CLYBL: variants seen among roughly 807,000 people sequenced by gnomAD.
The protein encoded by CLYBL is citramalyl-CoA lyase.
CLYBL carries 31 observed loss-of-function variants against 38.9 expected under a neutral mutation model. The ratio of observed to expected loss-of-function variants is 0.80; its 90% CI spans 0.60 to 1.08. CLYBL has a LOEUF of 1.08. CLYBL is among the 50% of genes least tolerant of loss of function. The probability of loss-of-function intolerance (pLI) is 0.00; values close to 1 mark genes in which losing one functional copy is unlikely to be tolerated. For missense variants in CLYBL, 434 were observed against 411.6 expected (o/e 1.05, Z -0.47); for synonymous variants, 171 against 158.6 (o/e 1.08, Z -0.59).
At chr13:99,884,474 CA>C (rs1214854072) in intron 7 of CLYBL, among the ~76,000 whole-genome samples, 2 of 152,204 alleles carry the variant, frequency 1.3e-5, no homozygotes, top group African/African-American at 4.8e-5. Context: ...TCACGTCCCA[CA>C]GGATGCCCCA....
At chr13:99,665,553 C>T (rs966120132) in intron 1 of CLYBL, among the ~76,000 whole-genome samples, 5 of 151,622 alleles carry the variant, frequency 3.3e-5, no homozygotes, top group African/African-American at 1.2e-4. Context: ...TACACAGTAA[C>T]CCTAAGAAAA....
intron 2 of CLYBL, among the ~76,000 whole-genome samples, chr13:99,775,151 G>A (rs1216614413): frequency 6.6e-6 from 1 of 152,194 alleles, no homozygotes. Flanking sequence ...GCCATTAGGT[G>A]CCCTGATAAA....
At position 99,832,477 on chromosome 13, in the gene CLYBL, G is replaced by A. The variant is rs577427823; in HGVS notation, c.250-26384G>A. 4.6e-5 allele frequency among the ~76,000 whole-genome samples: 7 copies of A among 152,292 alleles called. No individual in the cohort carries two copies. In the South Asian group the frequency reaches 1.5e-3, roughly 32 times the overall value. On this transcript the variant is annotated intron_variant, in intron 2 of 8. Coordinates refer to ENST00000339105, the MANE Select transcript of CLYBL (RefSeq NM_206808.5). The stretch of plus-strand genomic sequence containing the variant: ...TAGAAGAAGCCAACGTATAGACAGG[G>A]CATGTCATTGGATAGTGATAAGATC...
intron 3 of CLYBL, among the ~76,000 whole-genome samples, chr13:99,862,464 AG>A (rs1408683948): frequency 3.9e-5 from 5 of 128,746 alleles, no homozygotes; most frequent in Non-Finnish European, 8.1e-5. Context: ...TTCCTTTTTA[AG>A]GTCTTCCTAG....
chr13:99,721,472 A>AAT (rs147301640), intron 1 of CLYBL, among the ~76,000 whole-genome samples: 4,401 of 149,754 alleles, frequency 0.029, 83 homozygotes, highest in African/African-American at 0.041. Context: ...TCTTTTTTTA[A>AAT]ATATATATAT....
intron 2 of CLYBL, among the ~76,000 whole-genome samples, chr13:99,837,024 A>AAACT (rs1346180213): frequency 6.6e-6 from 1 of 152,072 alleles, no homozygotes; most frequent in African/African-American, 2.4e-5. Context: ...ATGTACCCTA[A>AAACT]AACTTAAAGT....
At chr13:99,777,496 CTTTTT>C (rs200830971) in intron 2 of CLYBL, among the ~76,000 whole-genome samples, 1 of 143,252 alleles carries the variant, frequency 7.0e-6, no homozygotes, top group Non-Finnish European at 1.5e-5. Context: ...CTTTTCTTTT[CTTTTT>C]TTTTTTTTGA....
At chr13:99,675,631 G>A (rs1404344417) in intron 1 of CLYBL, among the ~76,000 whole-genome samples, 1 of 152,142 alleles carries the variant, frequency 6.6e-6, no homozygotes, top group Admixed American at 6.5e-5. Flanking sequence ...ACGATACGTG[G>A]TCTTTTGTGA....
chr13:99,771,903 C>T (rs1328738641), intron 1 of CLYBL, among the ~76,000 whole-genome samples: 1 of 152,184 alleles, frequency 6.6e-6, no homozygotes, highest in Non-Finnish European at 1.5e-5. Context: ...TCTCAACAAC[C>T]TACAAATTGA....
Position 99,903,633 on chromosome 13 carries a change from G to C in CLYBL, c.*25-1637G>C, listed in dbSNP as rs543700805. ...GATAACTGGCTTAAAACTCACTTAGGAATATAAAAATGTGAAGCAAACACA... is the reference window on the plus strand; with the variant it reads ...GATAACTGGCTTAAAACTCACTTAGCAATATAAAAATGTGAAGCAAACACA... On this transcript the variant is annotated intron_variant and NMD_transcript_variant, in intron 8 of 9. Transcript: ENST00000689673. Among the ~76,000 whole-genome samples the C allele has an allele frequency of 2.0e-5, 3 of 152,170 alleles. No individual in the cohort carries two copies. In the East Asian group the frequency reaches 5.8e-4, roughly 29 times the overall value.
intron 2 of CLYBL, among the ~76,000 whole-genome samples, chr13:99,811,254 C>T (rs12868139): frequency 0.083 from 12,613 of 152,268 alleles, 748 homozygotes; most frequent in Admixed American, 0.17. Context: ...GTCAAGTGCC[C>T]ATTATCCAGG....
chr13:99,786,239 G>T (rs2049791815), intron 2 of CLYBL, among the ~76,000 whole-genome samples: 2 of 141,202 alleles, frequency 1.4e-5, no homozygotes, highest in African/African-American at 5.3e-5. Flanking sequence ...TAAGTTCTAG[G>T]ATACATGTGC....
chr13:99,819,454 ATATATATATAT>A lies in CLYBL; in HGVS notation c.250-39406_250-39396del, dbSNP rs567415813. ...TATATATATATATATATATATATAT[ATATATATATAT>A]ATAATATTTGTCAGGGTTGTCTGGG... On this transcript the variant is annotated intron_variant, in intron 2 of 8. Coordinates refer to ENST00000339105, the MANE Select transcript of CLYBL (RefSeq NM_206808.5). 6.7e-3 allele frequency among the ~76,000 whole-genome samples: 466 copies of A among 69,216 alleles called. 13 individuals carry two copies. Among genetic ancestry groups the A allele is most frequent in the East Asian group, 0.017 (31 of 1,806 alleles). The allele number at this position is 69,216 out of a possible 152,430, so 45.4% of individuals were successfully genotyped here. A position where few individuals can be genotyped will look rare whatever the true frequency, so the allele number is the denominator to read the frequency against.
At chr13:99,864,971 AT>A (rs767877772) in intron 5 of CLYBL, 60 bp downstream of exon 5, 14 of 1,230,484 alleles carry the variant, frequency 1.1e-5, no homozygotes, top group African/African-American at 3.0e-5. Context: ...GTGTGTATAT[AT>A]TTTTTCTTTG....
chr13:99,884,433 G>C (rs1399433800), intron 7 of CLYBL, among the ~76,000 whole-genome samples: 1 of 152,068 alleles, frequency 6.6e-6, no homozygotes, highest in African/African-American at 2.4e-5. Context: ...CTGCTTAGCT[G>C]CTCCTCACCC....
intron 1 of CLYBL, among the ~76,000 whole-genome samples, chr13:99,703,536 A>AT (rs1470709611): frequency 2.6e-5 from 4 of 151,872 alleles, no homozygotes; most frequent in Non-Finnish European, 5.9e-5. Context: ...TGCCCAGCTA[A>AT]TTTTTTGTAT....
At chr13:99,802,289 G>A (rs1259696606) in intron 2 of CLYBL, among the ~76,000 whole-genome samples, 2 of 152,082 alleles carry the variant, frequency 1.3e-5, no homozygotes, top group Non-Finnish European at 2.9e-5. Context: ...TGGGGATTAG[G>A]GCTTCCATGT....
intron 1 of CLYBL, among the ~76,000 whole-genome samples, chr13:99,761,866 C>T (rs142711147): frequency 1.1e-3 from 160 of 152,314 alleles, no homozygotes; most frequent in Non-Finnish European, 1.8e-3. Flanking sequence ...GCTGTTTCAA[C>T]TGGGGTGAGA....
intron 7 of CLYBL, among the ~76,000 whole-genome samples, chr13:99,889,493 T>G (rs550313269): frequency 6.6e-6 from 1 of 152,094 alleles, no homozygotes; most frequent in Admixed American, 6.5e-5. Context: ...CAAAATTAGC[T>G]CGAGGCTGAA....
Sources: allele counts gnomAD v4.1 joint callset (sites outside exome capture counted in the v4.1 genomes callset), GRCh38; gene constraint gnomAD v4.1.1; transcripts MANE v1.5; gene names NCBI Gene and HGNC (gene_info 2026-07-23, HGNC 2026-07-21).